Variants in SPMIP2 observed in about 807,000 individuals in gnomAD.
SPMIP2 encodes sperm microtubule inner protein 2.
chr4:158,987,716 A>C, the SPMIP2 span, among the ~76,000 whole-genome samples: 2 of 152,142 alleles, frequency 1.3e-5, no homozygotes, highest in African/African-American at 2.4e-5. Context: ...CCAGCATGGC[A>C]CATGTATACT....
At chr4:158,961,757 A>G in the SPMIP2 span, among the ~76,000 whole-genome samples, 12 of 152,254 alleles carry the variant, frequency 7.9e-5, no homozygotes, top group Admixed American at 6.5e-5. Context: ...ATCAGTCCCT[A>G]TAAACAATTT....
chr4:159,024,687 G>A, the SPMIP2 span, among the ~76,000 whole-genome samples: 1 of 152,180 alleles, frequency 6.6e-6, no homozygotes, highest in East Asian at 1.9e-4. Context: ...GTAAACTAAT[G>A]AAGTTTATAG....
chr4:159,055,549 A>C, the SPMIP2 span, among the ~76,000 whole-genome samples: 1 of 152,030 alleles, frequency 6.6e-6, no homozygotes, highest in Non-Finnish European at 1.5e-5. Context: ...CTCTCCAAAA[A>C]AAATACGAAA....
chr4:159,075,578 T>G, the SPMIP2 span, among the ~76,000 whole-genome samples: 1 of 152,142 alleles, frequency 6.6e-6, no homozygotes, highest in Non-Finnish European at 1.5e-5. Context: ...CAACTTGGAT[T>G]TGAATCCTGT....
chr4:158,967,161 A>G, the SPMIP2 span, among the ~76,000 whole-genome samples: 2 of 152,254 alleles, frequency 1.3e-5, no homozygotes, highest in Non-Finnish European at 2.9e-5. Flanking sequence ...GTAAAATTTT[A>G]TAAGGAAATT....
chr4:158,903,691 A>T, the SPMIP2 span, among the ~76,000 whole-genome samples: 1 of 152,314 alleles, frequency 6.6e-6, no homozygotes, highest in South Asian at 2.1e-4. Flanking sequence ...TGTATGTAGC[A>T]TTACTGGAGA....
At chr4:158,978,402 G>A in the SPMIP2 span, among the ~76,000 whole-genome samples, 1 of 152,198 alleles carries the variant, frequency 6.6e-6, no homozygotes, top group Non-Finnish European at 1.5e-5. Context: ...TTAATTTGGG[G>A]TGGAGAGTTC....
chr4:159,063,116 T>A, the SPMIP2 span, among the ~76,000 whole-genome samples: 1 of 152,156 alleles, frequency 6.6e-6, no homozygotes, highest in East Asian at 1.9e-4. Flanking sequence ...CAGAATAAGA[T>A]GTTAGGGTGG....
chr4:159,075,888 AC>A, the SPMIP2 span, among the ~76,000 whole-genome samples: 2 of 152,106 alleles, frequency 1.3e-5, no homozygotes, highest in East Asian at 1.9e-4. Context: ...TAATGCTAAA[AC>A]TTTTGCTTCA....
chr4:158,959,379 TG>T, the SPMIP2 span, among the ~76,000 whole-genome samples: 1 of 152,228 alleles, frequency 6.6e-6, no homozygotes, highest in Non-Finnish European at 1.5e-5. Flanking sequence ...AAAGTATATC[TG>T]TTTCTTTGTG....
At chr4:158,986,431 A>G in the SPMIP2 span, among the ~76,000 whole-genome samples, 1 of 152,222 alleles carries the variant, frequency 6.6e-6, no homozygotes, top group African/African-American at 2.4e-5. Context: ...TGGTATCAAA[A>G]CAGAGATATA....
the SPMIP2 span, among the ~76,000 whole-genome samples, chr4:158,967,310 C>T: frequency 6.6e-6 from 1 of 152,112 alleles, no homozygotes; most frequent in African/African-American, 2.4e-5. Context: ...CAATATTTCT[C>T]CCGCCTCACA....
chr4:159,014,229 C>A, the SPMIP2 span, among the ~76,000 whole-genome samples: 6 of 152,032 alleles, frequency 3.9e-5, no homozygotes, highest in Non-Finnish European at 8.8e-5. Context: ...CCGAAGTGGG[C>A]GGATCACAAG....
At chr4:158,903,603 T>C in the SPMIP2 span, among the ~76,000 whole-genome samples, 3 of 152,164 alleles carry the variant, frequency 2.0e-5, no homozygotes, top group Non-Finnish European at 4.4e-5. Flanking sequence ...TCATCCTTCC[T>C]TTATCCCCTT....
the SPMIP2 span, among the ~76,000 whole-genome samples, chr4:158,916,807 T>C: frequency 6.6e-6 from 1 of 152,082 alleles, no homozygotes; most frequent in Non-Finnish European, 1.5e-5. Flanking sequence ...CCACCTCCAG[T>C]AAATTTTTGT....
the SPMIP2 span, among the ~76,000 whole-genome samples, chr4:159,052,955 ATTTTT>A: frequency 1.5e-5 from 2 of 132,076 alleles, no homozygotes; most frequent in Admixed American, 7.9e-5. Flanking sequence ...TATTATTATT[ATTTTT>A]TTTTTTTTTT....
chr4:158,927,113 C>T, the SPMIP2 span, among the ~76,000 whole-genome samples: 2 of 152,184 alleles, frequency 1.3e-5, no homozygotes, highest in Non-Finnish European at 2.9e-5. Flanking sequence ...TGTTTGTGGG[C>T]TCTGTTGTTA....
chr4:159,014,416 G>A, the SPMIP2 span, among the ~76,000 whole-genome samples: 28,294 of 152,096 alleles, frequency 0.19, 3,206 homozygotes, highest in Non-Finnish European at 0.26. Flanking sequence ...TCGCACCACC[G>A]CACTCCAGGC....
chr4:158,970,078 G>T, the SPMIP2 span, among the ~76,000 whole-genome samples: 1 of 152,180 alleles, frequency 6.6e-6, no homozygotes, highest in Non-Finnish European at 1.5e-5. Context: ...CTGGGTTAAT[G>T]CCACCACTCT....
Sources: allele counts gnomAD v4.1 joint callset (sites outside exome capture counted in the v4.1 genomes callset), GRCh38; gene constraint gnomAD v4.1.1; transcripts MANE v1.5; gene names NCBI Gene and HGNC (gene_info 2026-07-23, HGNC 2026-07-21).